Variants in FAM161A observed in about 807,000 individuals in gnomAD.
FAM161A encodes the protein protein FAM161A.
In FAM161A, 57 loss-of-function variants were observed where a neutral mutation model predicts 70.9. The ratio of observed to expected loss-of-function variants is 0.80; its 90% CI spans 0.65 to 1.00. The LOEUF (loss-of-function observed/expected upper bound fraction) is 1.00. FAM161A is among the 50% of genes least tolerant of loss of function. The probability of loss-of-function intolerance (pLI) is 0.00; values close to 1 mark genes in which losing one functional copy is unlikely to be tolerated. For missense variants in FAM161A, 880 were observed against 836.0 expected (o/e 1.05, Z -0.65); for synonymous variants, 299 against 295.7 (o/e 1.01, Z -0.12).
intron 1 of FAM161A, among the ~76,000 whole-genome samples, chr2:61,851,643 G>A (rs973582837): frequency 2.0e-5 from 3 of 152,066 alleles, no homozygotes; most frequent in African/African-American, 7.2e-5. Flanking sequence ...AGAATACTGC[G>A]TTACCTGTGT....
intron 5 of FAM161A, chr2:61,835,788 C>T: frequency 2.0e-6 from 1 of 512,358 alleles, no homozygotes; most frequent in East Asian, 3.4e-5. Flanking sequence ...CCTCAGCCTC[C>T]CAAGTAGCTG....
chr2:61,851,298 A>G (rs1157596268), intron 1 of FAM161A, among the ~76,000 whole-genome samples: 1 of 152,154 alleles, frequency 6.6e-6, no homozygotes, highest in Non-Finnish European at 1.5e-5. Flanking sequence ...TTGAAAAGAT[A>G]AGGTTGCCCC....
intron 1 of FAM161A, among the ~76,000 whole-genome samples, chr2:61,844,289 A>C (rs1673127203): frequency 6.6e-6 from 1 of 152,214 alleles, no homozygotes. Context: ...TGTGCTTCTC[A>C]CCATAAACTT....
In FAM161A at chr2:61,836,037, C is replaced by A. The variant is rs1672759346; in HGVS notation, c.1824G>T (p.Arg608Ser). 1.2e-6 allele frequency: 2 copies of A among 1,610,340 alleles called. No individual in the cohort carries two copies. Among genetic ancestry groups the A allele is most frequent in the Non-Finnish European group, 1.7e-6 (2 of 1,178,512 alleles). Residue 608 changes from arginine to serine, a missense_variant, in exon 5 of 7, where the codon AGG becomes AGT. Arg to Ser is a moderately radical substitution (Grantham distance 110). Coordinates refer to ENST00000404929, the MANE Select transcript of FAM161A (RefSeq NM_001201543.2). ...LEEREEKLKK[R>S]PLLFERVAQK... is the part of the protein sequence containing the mutation. The stretch of plus-strand genomic sequence containing the variant: ...GAGCAACTCTTTCAAATAGCAGTGG[C>A]CTCTTTTTTAATTTTTCTTCTCTTT...
At chr2:61,804,542 G>A in the FAM161A span, among the ~76,000 whole-genome samples, 4 of 151,722 alleles carry the variant, frequency 2.6e-5, no homozygotes, top group South Asian at 2.1e-4. Context: ...AAATTTAGCC[G>A]AGCGTGCTGG....
At chr2:61,838,840 C>A (rs1222626803) in intron 3 of FAM161A, 135 bp from the exon 4 acceptor site, 1 of 376,312 alleles carries the variant, frequency 2.7e-6, no homozygotes, top group East Asian at 4.2e-5. Context: ...AGGATCTGAC[C>A]TGTAAAACTA....
At chr2:61,851,791 TG>T (rs1209600740) in intron 1 of FAM161A, among the ~76,000 whole-genome samples, 172 of 38,614 alleles carry the variant, frequency 4.5e-3, no homozygotes, top group Non-Finnish European at 7.0e-3. Flanking sequence ...TGTATAGGGA[TG>T]GTGCAGGGGT....
In FAM161A at chr2:61,840,633, T is replaced by C. The variant is rs369548843; in HGVS notation, c.423-52A>G. 1.6e-5 allele frequency: 21 copies of C among 1,353,240 alleles called. No homozygotes were observed. The African/African-American group carries it at 2.5e-4, about 16-fold the overall frequency. 83.8% of individuals were successfully genotyped at this position (1,353,240 alleles called of 1,614,324 possible). A position where few individuals can be genotyped will look rare whatever the true frequency, so the allele number is the denominator to read the frequency against. The stretch of plus-strand genomic sequence containing the variant: ...ACTTTCAGTTGTATGTGACCAAATA[T>C]AAAAATTAAGAGTTACATATTTTCT... On this transcript the variant is annotated intron_variant, in intron 2 of 6. Transcript: ENST00000404929.
chr2:61,852,513 AAGGAAATTATGTCCTAACACCACCT>A lies in FAM161A; in HGVS notation c.183+1321_183+1345del, dbSNP rs1405226108. On this transcript the variant is annotated intron_variant, in intron 1 of 6. Transcript: ENST00000404929. ...TTTACAGATAAGGAAACTGAGGTTT[AAGGAAATTATGTCCTAACACCACCT>A]AGGAAGTGGCAGGGAATGGATCCTA... Among the ~76,000 whole-genome samples, 48 of 152,346 alleles carry A rather than the reference AAGGAAATTATGTCCTAACACCACCT, an allele frequency of 3.2e-4. 1 individual carries two copies. Among genetic ancestry groups the A allele is most frequent in the Admixed American group, 3.1e-3 (47 of 15,298 alleles).
Position 61,853,886 on chromosome 2 carries a change from C to G in FAM161A, c.156G>C (p.Glu52Asp). ...ATGCCCCAGCGGGCTGAGCCACTTT[C>G]TCCTCCTCTTCGTCCTCCAAGATCG... is the stretch of plus-strand genomic sequence containing the variant. ...AEAILEDEEE[E>D]KVAQPAGASA... Residue 52 changes from glutamate to aspartate, a missense_variant, in exon 1 of 7, where the codon GAG becomes GAC. Coordinates refer to ENST00000404929, the MANE Select transcript of FAM161A (RefSeq NM_001201543.2). 1 of 1,613,750 alleles carries G rather than the reference C, an allele frequency of 6.2e-7. No homozygotes were observed. The highest frequency in any genetic ancestry group is 1.1e-5 in the South Asian group (1 of 91,086).
chr2:61,801,356 G>T, the FAM161A span, among the ~76,000 whole-genome samples: 2 of 151,626 alleles, frequency 1.3e-5, no homozygotes, highest in Non-Finnish European at 2.9e-5. Flanking sequence ...AATTAGCTGG[G>T]TGTGGTAGCA....
At chr2:61,810,761 G>C in the FAM161A span, among the ~76,000 whole-genome samples, 2 of 151,920 alleles carry the variant, frequency 1.3e-5, no homozygotes, top group African/African-American at 4.8e-5. Context: ...CACCTGCCCT[G>C]GTCCCCAGCA....
intron 1 of FAM161A, among the ~76,000 whole-genome samples, chr2:61,848,882 A>T (rs868618026): frequency 2.1e-4 from 1 of 4,862 alleles, no homozygotes; most frequent in African/African-American, 7.5e-4. Context: ...ATTTATATAT[A>T]TATTTATATA....
downstream of FAM161A, among the ~76,000 whole-genome samples, chr2:61,823,445 G>A (rs1672253743): frequency 6.7e-6 from 1 of 149,930 alleles, no homozygotes; most frequent in Non-Finnish European, 1.5e-5. Flanking sequence ...GCTCACTGCA[G>A]CCTCAACCAC....
At chr2:61,802,152 G>T in the FAM161A span, among the ~76,000 whole-genome samples, 1 of 152,140 alleles carries the variant, frequency 6.6e-6, no homozygotes, top group African/African-American at 2.4e-5. Context: ...CAAAAGTACT[G>T]CATTTGACTT....
At chr2:61,844,129 C>A (rs1291243970) in intron 1 of FAM161A, among the ~76,000 whole-genome samples, 3 of 151,746 alleles carry the variant, frequency 2.0e-5, no homozygotes, top group African/African-American at 7.3e-5. Context: ...GGCGACAGAG[C>A]GAGACTCTGT....
the FAM161A span, among the ~76,000 whole-genome samples, chr2:61,818,655 T>A: frequency 6.6e-6 from 1 of 152,154 alleles, no homozygotes; most frequent in African/African-American, 2.4e-5. Context: ...TGATGATACC[T>A]CACATAAAAG....
chr2:61,826,968 A>G (rs1321993965), intron 6 of FAM161A, 136 bp downstream of exon 6: 1 of 776,688 alleles, frequency 1.3e-6, no homozygotes, highest in East Asian at 2.7e-5. Flanking sequence ...ACAACAGTTC[A>G]TATGTCTTTT....
chr2:61,812,699 G>A, the FAM161A span, among the ~76,000 whole-genome samples: 1 of 151,912 alleles, frequency 6.6e-6, no homozygotes, highest in East Asian at 1.9e-4. Flanking sequence ...TCTACCCTGG[G>A]CAAAAAGAGC....
Sources: allele counts gnomAD v4.1 joint callset (sites outside exome capture counted in the v4.1 genomes callset), GRCh38; gene constraint gnomAD v4.1.1; transcripts MANE v1.5; gene names NCBI Gene and HGNC (gene_info 2026-07-23, HGNC 2026-07-21).